Variants in PARD3B observed in about 807,000 individuals in gnomAD.
PARD3B encodes par-3 family cell polarity regulator beta.
In PARD3B, 103 loss-of-function variants were observed where a neutral mutation model predicts 130.2. The ratio of observed to expected loss-of-function variants is 0.79; its 90% CI spans 0.67 to 0.93. The LOEUF (loss-of-function observed/expected upper bound fraction) is 0.93, where lower values mean the gene tolerates loss of function less well. Ranked by LOEUF, PARD3B falls within the 40% of genes least tolerant of loss-of-function variation. The pLI is 0.00. For missense variants in PARD3B, 1,609 were observed against 1,499.2 expected (o/e 1.07, Z -1.21); for synonymous variants, 583 against 553.2 (o/e 1.05, Z -0.76).
intron 2 of PARD3B, among the ~76,000 whole-genome samples, chr2:204,939,231 G>A (rs775929259): frequency 4.0e-5 from 6 of 151,760 alleles, no homozygotes; most frequent in African/African-American, 7.3e-5. Context: ...ACGTATTAAC[G>A]CTCCAACCAA....
At chr2:205,344,379 CA>C (rs939051781) in intron 18 of PARD3B, among the ~76,000 whole-genome samples, 35 of 152,196 alleles carry the variant, frequency 2.3e-4, no homozygotes, top group African/African-American at 8.4e-4. Flanking sequence ...ATGAGGTAAA[CA>C]GGCATGATAC....
At chr2:205,077,064 C>T (rs893091262) in intron 4 of PARD3B, among the ~76,000 whole-genome samples, 2 of 152,102 alleles carry the variant, frequency 1.3e-5, no homozygotes, top group African/African-American at 2.4e-5. Context: ...CCCCTGAATC[C>T]GGTCCACCAA....
chr2:205,602,780 G>T (rs753207351), intron 22 of PARD3B, among the ~76,000 whole-genome samples: 19 of 151,862 alleles, frequency 1.3e-4, no homozygotes, highest in Non-Finnish European at 2.6e-4. Context: ...CTAGCTAGTG[G>T]TCTATTTTAA....
intron 11 of PARD3B, among the ~76,000 whole-genome samples, chr2:205,165,684 C>T (rs1346569347): frequency 6.6e-6 from 1 of 151,450 alleles, no homozygotes; most frequent in African/African-American, 2.4e-5. Flanking sequence ...TACCACTGCA[C>T]TCCAGCCGGA....
intron 2 of PARD3B, among the ~76,000 whole-genome samples, chr2:204,795,593 C>G (rs1459225611): frequency 3.3e-5 from 5 of 152,162 alleles, no homozygotes; most frequent in African/African-American, 1.2e-4. Context: ...TTGGTATCAG[C>G]TGGAACTTTC....
chr2:204,856,338 A>G (rs945070854), intron 2 of PARD3B, among the ~76,000 whole-genome samples: 1 of 152,060 alleles, frequency 6.6e-6, no homozygotes, highest in African/African-American at 2.4e-5. Flanking sequence ...GGTCATTTGT[A>G]TTTCTTCTTC....
chr2:205,187,397 G>T lies in PARD3B; in HGVS notation c.2024+1534G>T, dbSNP rs560420186. 6.6e-6 allele frequency among the ~76,000 whole-genome samples: 1 copy of T among 152,156 alleles called. No individual in the cohort carries two copies. Among genetic ancestry groups the T allele is most frequent in the Non-Finnish European group, 1.5e-5 (1 of 68,026 alleles). On this transcript the variant is annotated intron_variant, in intron 14 of 22. Coordinates refer to ENST00000406610, the MANE Select transcript of PARD3B (RefSeq NM_001302769.2). This position sits in a 1 kb window ranked among gnomAD's most constrained non-coding sequence, Gnocchi z 4.9. ...TAGTCAATCTTATTGCAGGGTTTTC[G>T]CAGGTAATACACAGAATGAAACCTG... is the stretch of plus-strand genomic sequence containing the variant.
intron 2 of PARD3B, among the ~76,000 whole-genome samples, chr2:204,903,916 A>G (rs1352077307): frequency 6.6e-5 from 10 of 152,168 alleles, no homozygotes; most frequent in Admixed American, 6.5e-4. Context: ...TTATGCTGTC[A>G]ATGTATAATT....
intron 20 of PARD3B, among the ~76,000 whole-genome samples, chr2:205,462,952 A>C (rs939698170): frequency 6.6e-6 from 1 of 152,114 alleles, no homozygotes; most frequent in Non-Finnish European, 1.5e-5. Context: ...TTCTGTACCC[A>C]GTTTTTAGTT....
chr2:204,893,523 G>A (rs755490952), intron 2 of PARD3B, among the ~76,000 whole-genome samples: 1 of 152,104 alleles, frequency 6.6e-6, no homozygotes, highest in Non-Finnish European at 1.5e-5. Flanking sequence ...CTGTCCAAAA[G>A]AAATTGCATG....
chr2:204,798,625 G>A (rs1194282509), intron 2 of PARD3B, among the ~76,000 whole-genome samples: 3 of 152,024 alleles, frequency 2.0e-5, no homozygotes, highest in African/African-American at 7.2e-5. Context: ...CAGCTCTAGG[G>A]GAGAATCCAT....
intron 21 of PARD3B, among the ~76,000 whole-genome samples, chr2:205,514,833 CTTTTT>C (rs5837976): frequency 7.3e-6 from 1 of 136,066 alleles, no homozygotes; most frequent in East Asian, 2.1e-4. Flanking sequence ...TCTTACAGTT[CTTTTT>C]TTTTTTTTTT....
At chr2:205,249,068 G>T (rs1452059676) in intron 16 of PARD3B, among the ~76,000 whole-genome samples, 2 of 138,478 alleles carry the variant, frequency 1.4e-5, no homozygotes, top group Non-Finnish European at 3.0e-5. Flanking sequence ...GGAGTGTAGT[G>T]GCACGATCTC....
chr2:204,732,993 CT>C (rs532165545), intron 2 of PARD3B, among the ~76,000 whole-genome samples: 1 of 151,092 alleles, frequency 6.6e-6, no homozygotes, highest in East Asian at 2.0e-4. Flanking sequence ...CATGATGGTG[CT>C]TTTTTTTTAC....
intron 20 of PARD3B, among the ~76,000 whole-genome samples, chr2:205,498,016 A>AACACACACAC (rs57531393): frequency 0.26 from 36,860 of 141,752 alleles, 4,985 homozygotes; most frequent in East Asian, 0.32. Flanking sequence ...GTCTCTACTA[A>AACACACACAC]ACACACACAC....
intron 2 of PARD3B, among the ~76,000 whole-genome samples, chr2:204,958,256 A>G (rs2125839767): frequency 6.6e-6 from 1 of 152,346 alleles, no homozygotes; most frequent in Admixed American, 6.5e-5. Context: ...GGTTGGCAAC[A>G]GAATAAACCA....
At chr2:205,186,696 T>G (rs2036121398) in intron 14 of PARD3B, among the ~76,000 whole-genome samples, 1 of 152,196 alleles carries the variant, frequency 6.6e-6, no homozygotes, top group African/African-American at 2.4e-5. Flanking sequence ...CTCACCTATA[T>G]TTAGCTATCT....
intron 3 of PARD3B, among the ~76,000 whole-genome samples, chr2:204,975,575 C>T (rs750712819): frequency 1.7e-4 from 26 of 152,200 alleles, no homozygotes; most frequent in Non-Finnish European, 3.4e-4. Flanking sequence ...CTAGTCTGGA[C>T]GTACTTCTTA....
At chr2:205,364,926 G>A (rs965793572) in intron 18 of PARD3B, among the ~76,000 whole-genome samples, 1 of 152,152 alleles carries the variant, frequency 6.6e-6, no homozygotes, top group Non-Finnish European at 1.5e-5. Flanking sequence ...GTACAGCCGG[G>A]TGTGGTGGCT....
Sources: gnomAD v4.1 joint callset for allele counts (sites outside exome capture counted in the v4.1 genomes callset) on GRCh38, gnomAD v4.1.1 for gene constraint, Gnocchi (gnomAD v3.1) non-coding constraint, MANE v1.5 for transcripts, NCBI Gene and HGNC (gene_info 2026-07-23, HGNC 2026-07-21) for gene names.